The following FGF13 variants were observed in gnomAD, a reference collection of about 807,000 sequenced individuals.
FGF13 encodes fibroblast growth factor 13.
A neutral mutation model predicts 19.5 loss-of-function variants in FGF13; 2 were observed. The ratio of observed to expected loss-of-function variants is 0.10; its 90% CI spans 0.04 to 0.32. The LOEUF (loss-of-function observed/expected upper bound fraction) is 0.32, where lower values mean the gene tolerates loss of function less well. Ranked by LOEUF, FGF13 falls within the 10% of genes least tolerant of loss-of-function variation. The probability of loss-of-function intolerance (pLI) is 1.00; values close to 1 mark genes in which losing one functional copy is unlikely to be tolerated. For synonymous variants in FGF13, 72 were observed against 76.9 expected (o/e 0.94, Z 0.33); for missense variants, 113 against 192.7 (o/e 0.59, Z 2.45).
At chrX:139,167,284 G>A (rs112243038) in intron 1 of FGF13, among the ~76,000 whole-genome samples, 1,773 of 111,501 alleles carry the variant, frequency 0.016, 27 homozygotes, top group African/African-American at 0.054. Context: ...AGTAGCTGGC[G>A]TATAGGAACA....
chrX:138,984,524 GA>G (rs1320718882), intron 1 of FGF13, among the ~76,000 whole-genome samples: 5 of 13,646 alleles, frequency 3.7e-4, no homozygotes, highest in African/African-American at 1.1e-3. Flanking sequence ...AGAAGAAGAG[GA>G]AGAAGAAGAA....
intron 3 of FGF13, among the ~76,000 whole-genome samples, chrX:138,773,081 C>T (rs925112478): frequency 2.2e-4 from 24 of 109,419 alleles, no homozygotes; most frequent in Non-Finnish European, 3.8e-4. Context: ...TTAAAAATGC[C>T]CTCATTGAGA....
intron 1 of FGF13, among the ~76,000 whole-genome samples, chrX:138,942,829 G>A (rs942071296): frequency 1.8e-5 from 2 of 111,496 alleles, no homozygotes; most frequent in Non-Finnish European, 3.8e-5. Context: ...TGTATACTGT[G>A]TTCTTCAAGT....
At chrX:138,729,353 G>A (rs2090210664) in intron 1 of FGF13, among the ~76,000 whole-genome samples, 1 of 111,140 alleles carries the variant, frequency 9.0e-6, no homozygotes, top group Non-Finnish European at 1.9e-5. Context: ...TGAAAAGCTA[G>A]AAATAAAATG....
intron 1 of FGF13, among the ~76,000 whole-genome samples, chrX:139,099,015 T>C (rs1434559310): frequency 9.0e-6 from 1 of 111,592 alleles, no homozygotes; most frequent in Non-Finnish European, 1.9e-5. Context: ...CCTGACAGCC[T>C]GCTCCCTCTG....
chrX:138,630,018 G>A lies in FGF13; in HGVS notation c.*2832C>T, dbSNP rs2089100566. On this transcript the variant is annotated 3_prime_UTR_variant, in exon 5 of 5. Coordinates refer to ENST00000315930, the MANE Select transcript of FGF13 (RefSeq NM_004114.5). ...TACTAAAGGATGTGCATGAGGGGAT[G>A]GGGTGGGAAAGGGTGTGTGTGTATG... 1 of 111,403 alleles carries A rather than the reference G, an allele frequency of 9.0e-6. No homozygotes were observed. Among genetic ancestry groups the A allele is most frequent in the Non-Finnish European group, 1.9e-5 (1 of 53,069 alleles). The allele number at this position is 111,403 out of a possible 1,213,427, so 9.2% of individuals were successfully genotyped here.
intron 1 of FGF13, among the ~76,000 whole-genome samples, chrX:139,166,238 C>A (rs1270960101): frequency 9.0e-6 from 1 of 111,474 alleles, no homozygotes; most frequent in African/African-American, 3.3e-5. Context: ...GGCAGTTACC[C>A]CTATGCTATT....
chrX:138,812,211 CA>C (rs763530008), intron 3 of FGF13, among the ~76,000 whole-genome samples: 5 of 111,726 alleles, frequency 4.5e-5, no homozygotes, highest in Non-Finnish European at 7.5e-5. Flanking sequence ...ATAATGTTTT[CA>C]AAGTTTATCC....
At chrX:139,169,603 C>T (rs2084113605) in intron 1 of FGF13, among the ~76,000 whole-genome samples, 1 of 111,278 alleles carries the variant, frequency 9.0e-6, no homozygotes, top group African/African-American at 3.3e-5. Context: ...GGATTACAGG[C>T]ATAAGCCACT....
intron 2 of FGF13, among the ~76,000 whole-genome samples, chrX:138,862,799 T>TAG (rs1348838551): frequency 3.6e-5 from 4 of 112,230 alleles, no homozygotes; most frequent in Non-Finnish European, 7.5e-5. Context: ...TTGTTCAAGG[T>TAG]AGAAACAACT....
chrX:139,152,288 C>A (rs1279406920), intron 1 of FGF13, among the ~76,000 whole-genome samples: 1 of 94,310 alleles, frequency 1.1e-5, no homozygotes, highest in Non-Finnish European at 2.2e-5. Flanking sequence ...GAGGAGGCCC[C>A]GGGGCGATTA....
At position 138,931,254 on chromosome X, in the gene FGF13, T is replaced by G. The variant is rs1033430794; in HGVS notation, c.-112-66604A>C. 3.9e-5 allele frequency among the ~76,000 whole-genome samples: 4 copies of G among 102,464 alleles called. No homozygotes were observed. The South Asian group carries it at 1.7e-3, about 44-fold the overall frequency. The allele number at this position is 102,464 out of a possible 115,157, so 89.0% of individuals were successfully genotyped here. On this transcript the variant is annotated intron_variant, in intron 1 of 2. Coordinates refer to the FGF13 transcript ENST00000421460. The stretch of plus-strand genomic sequence containing the variant: ...AAGTGAATATGACAGAAAAGGGCTG[T>G]TTTTTTTTTTTAATAACTGTCAACT...
At chrX:138,678,739 G>T (rs1439628528) in intron 3 of FGF13, among the ~76,000 whole-genome samples, 1 of 111,890 alleles carries the variant, frequency 8.9e-6, no homozygotes, top group Non-Finnish European at 1.9e-5. Flanking sequence ...TTAACTTATA[G>T]GCTTTTGGCC....
At chrX:138,975,012 GCT>G (rs956175031) in intron 1 of FGF13, among the ~76,000 whole-genome samples, 8 of 112,617 alleles carry the variant, frequency 7.1e-5, no homozygotes, top group African/African-American at 2.6e-4. Flanking sequence ...AAGTTTGGAG[GCT>G]GAAATACTGA....
At chrX:138,844,998 T>C (rs1396922657) in intron 3 of FGF13, among the ~76,000 whole-genome samples, 1 of 111,293 alleles carries the variant, frequency 9.0e-6, no homozygotes, top group Non-Finnish European at 1.9e-5. Flanking sequence ...AGGTGTCCTG[T>C]ACAAACTCAT....
At chrX:138,821,215 CA>C in intron 3 of FGF13, among the ~76,000 whole-genome samples, 1 of 111,546 alleles carries the variant, frequency 9.0e-6, no homozygotes, top group Non-Finnish European at 1.9e-5. Context: ...AAAGGAGATA[CA>C]TTCTAGAGAT....
chrX:138,752,287 C>G (rs967217770), intron 3 of FGF13, among the ~76,000 whole-genome samples: 1 of 110,835 alleles, frequency 9.0e-6, no homozygotes, highest in Non-Finnish European at 1.9e-5. Context: ...ATTAGCTGAG[C>G]ATGGTGGTGC....
rs1414898777 is a variant in FGF13, at chrX:138,624,574, C to A, written c.*8276G>T. 1 of 108,868 alleles carries A rather than the reference C, an allele frequency of 9.2e-6. No individual in the cohort carries two copies. Among genetic ancestry groups the A allele is most frequent in the Non-Finnish European group, 2.0e-5 (1 of 51,010 alleles). The allele number at this position is 108,868 out of a possible 1,213,427, so 9.0% of individuals were successfully genotyped here. ...AAGTAAAAATAAACAAGTCAGACTA[C>A]ATTAAATTAAAAAGTTTCAAAGCCA... On this transcript the variant is annotated 3_prime_UTR_variant, in exon 5 of 5. Coordinates refer to ENST00000315930, the MANE Select transcript of FGF13 (RefSeq NM_004114.5).
At chrX:138,900,159 T>G (rs914637945) in intron 1 of FGF13, among the ~76,000 whole-genome samples, 2 of 111,193 alleles carry the variant, frequency 1.8e-5, no homozygotes, top group Non-Finnish European at 3.8e-5. Flanking sequence ...CAGTCAATAT[T>G]TTGAGGCTCC....
Sources: gnomAD v4.1 joint callset for allele counts (sites outside exome capture counted in the v4.1 genomes callset) on GRCh38, gnomAD v4.1.1 for gene constraint, MANE v1.5 for transcripts, NCBI Gene and HGNC (gene_info 2026-07-23, HGNC 2026-07-21) for gene names.